HTR3A: variants seen among roughly 807,000 people sequenced by gnomAD.
HTR3A encodes the protein 5-hydroxytryptamine (serotonin) receptor 3A, ionotropic.
A neutral mutation model predicts 54.8 loss-of-function variants in HTR3A; 45 were observed. The observed-to-expected ratio is 0.82, with a 90% CI of 0.65 to 1.05. The LOEUF is 1.05. HTR3A is among the 50% of genes least tolerant of loss of function. The probability of loss-of-function intolerance (pLI) is 0.00; values close to 1 mark genes in which losing one functional copy is unlikely to be tolerated. For synonymous variants in HTR3A, 297 were observed against 256.0 expected, an observed-to-expected ratio of 1.16 and a Z score of -1.53; for missense variants, 657 against 614.0, an observed-to-expected ratio of 1.07 and a Z score of -0.74.
intron 1 of HTR3A, 43 bp downstream of exon 1, chr11:113,975,435 G>GC: frequency 6.5e-7 from 1 of 1,528,398 alleles, no homozygotes; most frequent in Non-Finnish European, 9.0e-7. Flanking sequence ...CTGACCATCT[G>GC]CTGAGGTGGG....
chr11:113,977,948 C>G, intron 2 of HTR3A, 26 bp downstream of exon 2: 2 of 1,614,110 alleles, frequency 1.2e-6, no homozygotes, highest in African/African-American at 2.7e-5. Context: ...GAGCTGCACA[C>G]AGGCAGACCT....
chr11:113,986,939 G>C lies in HTR3A; in HGVS notation c.1031G>C (p.Arg344Pro). The C allele has an allele frequency of 1.2e-6, 2 of 1,614,114 alleles. No individual in the cohort carries two copies. Among genetic ancestry groups the C allele is most frequent in the Non-Finnish European group, 1.7e-6 (2 of 1,180,022 alleles). ...CAGCAGCCCGTGCCTGCTTGGCTGC[G>C]TCACCTGGTTCTGGAGAGAATCGCC... ...DLQQPVPAWL[R>P]HLVLERIAWL... is the part of the protein sequence containing the mutation. Residue 344 changes from arginine (R) to proline (P), a missense_variant, in exon 8 of 9, where the codon CGT (arginine) becomes CCT (proline). Arg to Pro is a moderately radical substitution (Grantham distance 103). Transcript: ENST00000504030.
At chr11:113,984,367 G>A (rs1950462461) in intron 5 of HTR3A, among the ~76,000 whole-genome samples, 1 of 152,098 alleles carries the variant, frequency 6.6e-6, no homozygotes, top group African/African-American at 2.4e-5. Context: ...TGTAGTCCCA[G>A]CAGTTTGGGA....
intron 8 of HTR3A, among the ~76,000 whole-genome samples, chr11:113,987,650 T>C (rs1055344524): frequency 5.9e-5 from 9 of 152,084 alleles, no homozygotes; most frequent in African/African-American, 1.9e-4. Context: ...AGTGGATCAC[T>C]TGAGCCCAGG....
At chr11:113,982,836 G>A (rs937829506) in intron 4 of HTR3A, among the ~76,000 whole-genome samples, 1 of 152,152 alleles carries the variant, frequency 6.6e-6, no homozygotes, top group Non-Finnish European at 1.5e-5. Flanking sequence ...TACTGTCCAT[G>A]GCTTTTGGGC....
At chr11:113,977,181 C>T (rs1175564484) in intron 1 of HTR3A, among the ~76,000 whole-genome samples, 2 of 152,304 alleles carry the variant, frequency 1.3e-5, no homozygotes, top group South Asian at 2.1e-4. Context: ...CGAGGATCCT[C>T]TTGGGGTGGC....
intron 1 of HTR3A, chr11:113,977,384 T>G: frequency 1.6e-6 from 1 of 621,980 alleles, no homozygotes; most frequent in South Asian, 2.0e-5. Context: ...GCAACCCTCT[T>G]GCTTTTAGTA....
chr11:113,986,811 C>G lies in HTR3A; in HGVS notation c.917-14C>G. 6.2e-7 allele frequency: 1 copy of G among 1,614,148 alleles called. No homozygotes were observed. The highest frequency in any genetic ancestry group is 8.5e-7 in the Non-Finnish European group (1 of 1,180,026). The stretch of plus-strand genomic sequence containing the variant: ...TCCTGCATGTGTCTCTTGCCTCTGC[C>G]CTGGGCTGCACAGGTGTCTACTTTG... On this transcript the variant is annotated splice_polypyrimidine_tract_variant and intron_variant, in intron 7 of 8. Coordinates refer to ENST00000504030, the MANE Select transcript of HTR3A (RefSeq NM_000869.6).
At chr11:113,978,317 A>C (rs1438173541) in intron 2 of HTR3A, among the ~76,000 whole-genome samples, 2 of 152,174 alleles carry the variant, frequency 1.3e-5, no homozygotes, top group Non-Finnish European at 2.9e-5. Flanking sequence ...ATCAGCCAAC[A>C]GATCAATTAT....
At chr11:113,978,656 A>G (rs1048622781) in intron 2 of HTR3A, among the ~76,000 whole-genome samples, 5 of 152,146 alleles carry the variant, frequency 3.3e-5, no homozygotes, top group African/African-American at 1.2e-4. Context: ...CAGACGTAAG[A>G]CACTGCTCCC....
At chr11:113,980,837 G>T (rs146568803) in intron 3 of HTR3A, among the ~76,000 whole-genome samples, 3 of 152,198 alleles carry the variant, frequency 2.0e-5, no homozygotes, top group Admixed American at 2.0e-4. Context: ...TAACAAGAGC[G>T]GTCTCCACCC....
Position 113,975,228 on chromosome 11 carries a change from C to T in HTR3A, c.-98C>T. On this transcript the variant is annotated 5_prime_UTR_variant, in exon 1 of 9. Coordinates refer to ENST00000504030, the MANE Select transcript of HTR3A (RefSeq NM_000869.6). Reference sequence around the variant, plus strand: ...GTGAGCAGTGGCCACGAGAGGCAGGCTGGCTGGGACATGAGGTTGGCAGAG... The same window carrying T: ...GTGAGCAGTGGCCACGAGAGGCAGGTTGGCTGGGACATGAGGTTGGCAGAG... 8.5e-7 allele frequency: 1 copy of T among 1,178,508 alleles called. No individual in the cohort carries two copies. The highest frequency in any genetic ancestry group is 1.2e-6 in the Non-Finnish European group (1 of 804,972). 73.0% of individuals were successfully genotyped at this position (1,178,508 alleles called of 1,614,324 possible).
rs1445931996 is a variant in HTR3A at position 113,983,230 on chromosome 11, A to G, written c.485A>G (p.Tyr162Cys). The G allele has an allele frequency of 4.3e-6, 7 of 1,614,104 alleles. No individual in the cohort carries two copies. The highest frequency in any genetic ancestry group is 2.7e-5 in the African/African-American group (2 of 74,934). ...QVVTACSLDI[Y>C]NFPFDVQNCS... ...GTGACTGCCTGTAGCCTCGACATCT[A>G]CAACTTCCCCTTCGATGTCCAGAAC... Residue 162 changes from tyrosine (Y) to cysteine (C), a missense_variant, in exon 5 of 9, where the codon TAC becomes TGC. Transcript: ENST00000504030.
At position 113,983,330 on chromosome 11, in the gene HTR3A, G is replaced by T. The variant is rs546009528; in HGVS notation, c.544+41G>T. ...TCGCCGGGACAGGGGTGGAGGTTGGGGGACCCCAGGGACACCTGAGCGAGG... is the reference window on the plus strand; with the variant it reads ...TCGCCGGGACAGGGGTGGAGGTTGGTGGACCCCAGGGACACCTGAGCGAGG... On this transcript the variant is annotated intron_variant, in intron 5 of 8. Coordinates refer to ENST00000504030, the MANE Select transcript of HTR3A (RefSeq NM_000869.6). 19 of 1,608,732 alleles carry T rather than the reference G, an allele frequency of 1.2e-5. No individual in the cohort carries two copies. In the East Asian group the frequency reaches 4.0e-4, roughly 34 times the overall value.
chr11:113,988,147 C>T (rs920603357), intron 8 of HTR3A, among the ~76,000 whole-genome samples: 8 of 152,234 alleles, frequency 5.3e-5, no homozygotes, highest in African/African-American at 1.9e-4. Flanking sequence ...TAGGGCCAGG[C>T]CCTTTACATG....
intron 5 of HTR3A, among the ~76,000 whole-genome samples, chr11:113,984,131 C>A (rs935194253): frequency 6.6e-6 from 1 of 152,142 alleles, no homozygotes; most frequent in Non-Finnish European, 1.5e-5. Flanking sequence ...GCTGCTCCCC[C>A]CAACCACACC....
chr11:113,980,889 C>G (rs1950414253), intron 3 of HTR3A: 1 of 397,178 alleles, frequency 2.5e-6, no homozygotes, highest in Non-Finnish European at 4.8e-6. Context: ...TATGTTGAGA[C>G]CAAGATCCAA....
rs368148187 is a variant in HTR3A, at chr11:113,975,454, T to C, written c.67+62T>C. The C allele has an allele frequency of 5.4e-5, 76 of 1,403,162 alleles. No individual in the cohort carries two copies. The African/African-American group carries it at 9.8e-4, about 18-fold the overall frequency. 86.9% of individuals were successfully genotyped at this position (1,403,162 alleles called of 1,614,324 possible). On this transcript the variant is annotated intron_variant, in intron 1 of 8. Coordinates refer to ENST00000504030, the MANE Select transcript of HTR3A (RefSeq NM_000869.6). ...CCATCTGCTGAGGTGGGGCAGGGGA[T>C]GCTTCAGTCCTCCGAGGGCTGTGGA...
At chr11:113,979,396 C>T (rs1950394474) in intron 3 of HTR3A, 119 bp downstream of exon 3, 1 of 769,176 alleles carries the variant, frequency 1.3e-6, no homozygotes, top group Non-Finnish European at 2.3e-6. Flanking sequence ...GGGGCACCCT[C>T]AGCCTGAGAT....
Sources: gnomAD v4.1 joint callset for allele counts (sites outside exome capture counted in the v4.1 genomes callset) on GRCh38, gnomAD v4.1.1 for gene constraint, MANE v1.5 for transcripts, NCBI Gene and HGNC (gene_info 2026-07-23, HGNC 2026-07-21) for gene names.